Variants in KCTD20 observed in about 807,000 individuals in gnomAD.
KCTD20 encodes the protein BTB/POZ domain-containing protein KCTD20.
In KCTD20, 30 loss-of-function variants were observed where a neutral mutation model predicts 39.6. The ratio of observed to expected loss-of-function variants is 0.76; its 90% CI spans 0.57 to 1.03. The LOEUF is 1.03. Ranked by LOEUF, KCTD20 falls within the 50% of genes least tolerant of loss-of-function variation. The pLI is 0.00. For missense variants in KCTD20, 422 were observed against 522.0 expected (o/e 0.81, Z 1.87); for synonymous variants, 162 against 180.6 (o/e 0.90, Z 0.83).
rs1390737152 is a variant in KCTD20, at chr6:36,487,803, C to T, written c.*628C>T. 1 of 152,172 alleles carries T rather than the reference C, an allele frequency of 6.6e-6. No homozygotes were observed. The highest frequency in any genetic ancestry group is 1.5e-5 in the Non-Finnish European group (1 of 68,034). The allele number at this position is 152,172 out of a possible 1,614,324, so 9.4% of individuals were successfully genotyped here. On this transcript the variant is annotated 3_prime_UTR_variant, in exon 8 of 8. Transcript: ENST00000373731. ...GAACAATTCAAAACCACACAGATTC[C>T]TTGGCAGGAAGGATAATGGAATAAC...
intron 3 of KCTD20, among the ~76,000 whole-genome samples, chr6:36,477,330 C>T (rs1776092021): frequency 6.6e-6 from 1 of 152,156 alleles, no homozygotes; most frequent in African/African-American, 2.4e-5. Context: ...AATATGTTCA[C>T]TATTTTTATT....
rs1232757023 is a variant in KCTD20 at position 36,468,113 on chromosome 6, A to G, written c.-46-1939A>G. On this transcript the variant is annotated intron_variant, in intron 1 of 7. Transcript: ENST00000373731. ...ATAAGGTTTGAATTTTCTTAGGAAT[A>G]TATTTGTGTATTACTTATAATAAAA... 3.9e-5 allele frequency among the ~76,000 whole-genome samples: 6 copies of G among 152,344 alleles called. No individual in the cohort carries two copies. In the South Asian group the frequency reaches 6.2e-4, roughly 16 times the overall value.
chr6:36,483,039 A>G (rs1303596255), intron 6 of KCTD20, among the ~76,000 whole-genome samples: 3 of 151,104 alleles, frequency 2.0e-5, no homozygotes, highest in Non-Finnish European at 4.4e-5. Flanking sequence ...GAATCATTTG[A>G]ACCCAGGAGG....
chr6:36,462,176 T>C (rs1329368829), intron 1 of KCTD20, among the ~76,000 whole-genome samples: 1 of 152,178 alleles, frequency 6.6e-6, no homozygotes, highest in Non-Finnish European at 1.5e-5. Flanking sequence ...TCATAACCCT[T>C]GTGGAGTATG....
At position 36,490,841 on chromosome 6, in the gene KCTD20, T is replaced by TTAAG. The variant is rs1319605482; in HGVS notation, c.*3668_*3671dup. 6.6e-6 allele frequency: 1 copy of TTAAG among 152,016 alleles called. No individual in the cohort carries two copies. Among genetic ancestry groups the TTAAG allele is most frequent in the African/African-American group, 2.4e-5 (1 of 41,396 alleles). 9.4% of individuals were successfully genotyped at this position (152,016 alleles called of 1,614,324 possible). ...CAGGGCAAGACCCTGTCTCAATATT[T>TTAAG]TAAGTCAAGGGTTTGTAGTAATGTA... On this transcript the variant is annotated 3_prime_UTR_variant, in exon 8 of 8. Transcript: ENST00000373731.
At chr6:36,477,926 T>C (rs1776117022) in intron 3 of KCTD20, among the ~76,000 whole-genome samples, 1 of 150,952 alleles carries the variant, frequency 6.6e-6, no homozygotes. Context: ...ACCCTGTCTC[T>C]ACTAAAAATA....
At chr6:36,477,471 A>C (rs910031347) in intron 3 of KCTD20, among the ~76,000 whole-genome samples, 4 of 142,114 alleles carry the variant, frequency 2.8e-5, no homozygotes, top group Non-Finnish European at 6.1e-5. Flanking sequence ...AAATGGAATC[A>C]TTTTCTTTTC....
intron 1 of KCTD20, among the ~76,000 whole-genome samples, chr6:36,458,716 G>A (rs544965724): frequency 6.6e-6 from 1 of 151,846 alleles, no homozygotes; most frequent in Admixed American, 6.5e-5. Flanking sequence ...TTTTGGCCAA[G>A]TGAGGTGGCC....
intron 1 of KCTD20, chr6:36,443,760 A>G (rs1774948704): frequency 6.6e-6 from 1 of 152,210 alleles, no homozygotes; most frequent in Non-Finnish European, 1.5e-5. Flanking sequence ...CTGCACTATG[A>G]GAAAACTCTT....
chr6:36,483,854 C>T (rs1365383453), intron 6 of KCTD20, among the ~76,000 whole-genome samples: 3 of 151,386 alleles, frequency 2.0e-5, no homozygotes, highest in African/African-American at 7.3e-5. Context: ...ATCTTTGCTA[C>T]TTTCTTAGTA....
chr6:36,481,475 T>C (rs753015997), intron 5 of KCTD20, 87 bp from the exon 6 acceptor site: 55 of 960,328 alleles, frequency 5.7e-5, no homozygotes, highest in Non-Finnish European at 8.9e-5. Flanking sequence ...TCATCAATGA[T>C]AACAGCCATT....
intron 1 of KCTD20, among the ~76,000 whole-genome samples, chr6:36,449,634 C>T (rs932088278): frequency 2.0e-5 from 3 of 152,182 alleles, no homozygotes; most frequent in East Asian, 1.9e-4. Flanking sequence ...AGTCCCCACT[C>T]GACCCAGGAA....
At chr6:36,478,099 A>AAAAAAAAAAAG (rs1380525274) in intron 3 of KCTD20, among the ~76,000 whole-genome samples, 25 of 147,774 alleles carry the variant, frequency 1.7e-4, no homozygotes, top group African/African-American at 6.3e-4. Context: ...CATCTCAAAA[A>AAAAAAAAAAAG]AAAAAAGAAA....
intron 1 of KCTD20, among the ~76,000 whole-genome samples, chr6:36,450,690 A>G (rs1248012531): frequency 6.6e-6 from 1 of 152,122 alleles, no homozygotes; most frequent in Non-Finnish European, 1.5e-5. Context: ...TATATTTAAG[A>G]TTATCCTGTT....
At chr6:36,462,098 C>G (rs1221587495) in intron 1 of KCTD20, among the ~76,000 whole-genome samples, 1 of 152,160 alleles carries the variant, frequency 6.6e-6, no homozygotes, top group Non-Finnish European at 1.5e-5. Flanking sequence ...GCTTCACCAA[C>G]TCTCTTTTGG....
chr6:36,446,648 A>G (rs1775056880), intron 1 of KCTD20, among the ~76,000 whole-genome samples: 1 of 152,234 alleles, frequency 6.6e-6, no homozygotes, highest in Non-Finnish European at 1.5e-5. Flanking sequence ...AAAAACGAAC[A>G]AAGAATTTAA....
intron 6 of KCTD20, among the ~76,000 whole-genome samples, chr6:36,484,283 T>C (rs760678209): frequency 1.3e-5 from 2 of 152,198 alleles, no homozygotes; most frequent in African/African-American, 2.4e-5. Context: ...TTTTTGTTAA[T>C]AGTGTTTGTG....
chr6:36,487,243 C>G lies in KCTD20; in HGVS notation c.*68C>G. On this transcript the variant is annotated 3_prime_UTR_variant, in exon 8 of 8. Coordinates refer to ENST00000373731, the MANE Select transcript of KCTD20 (RefSeq NM_173562.5). ...GGGATGCCTGCAGCCAGCCCTCCCT[C>G]GTGATTTGTCTCACCTTGAGTAGGA... is the stretch of plus-strand genomic sequence containing the variant. 1 of 1,495,892 alleles carries G rather than the reference C, an allele frequency of 6.7e-7. No individual in the cohort carries two copies. The highest frequency in any genetic ancestry group is 2.3e-5 in the East Asian group (1 of 44,124). 92.7% of individuals were successfully genotyped at this position (1,495,892 alleles called of 1,614,324 possible).
rs990894853 is a variant in KCTD20 at position 36,488,182 on chromosome 6, A to C, written c.*1007A>C. On this transcript the variant is annotated 3_prime_UTR_variant, in exon 8 of 8. Transcript: ENST00000373731. ...TGCACAGTCCCTGTCCTAGTGCAGG[A>C]CTTTTCTCTGTATGTTTTCATACCA... 1 of 152,192 alleles carries C rather than the reference A, an allele frequency of 6.6e-6. No individual in the cohort carries two copies. The highest frequency in any genetic ancestry group is 2.4e-5 in the African/African-American group (1 of 41,432). The allele number at this position is 152,192 out of a possible 1,614,324, so 9.4% of individuals were successfully genotyped here.
Sources: gnomAD v4.1 joint callset for allele counts (sites outside exome capture counted in the v4.1 genomes callset) on GRCh38, gnomAD v4.1.1 for gene constraint, MANE v1.5 for transcripts, NCBI Gene and HGNC (gene_info 2026-07-23, HGNC 2026-07-21) for gene names.